Variants in GRIK3 observed in about 807,000 individuals in gnomAD.
GRIK3 encodes the protein glutamate ionotropic receptor kainate type subunit 3.
GRIK3 carries 29 observed loss-of-function variants against 102.5 expected under a neutral mutation model. The ratio of observed to expected loss-of-function variants is 0.28; its 90% confidence interval spans 0.21 to 0.39. The LOEUF (loss-of-function observed/expected upper bound fraction) is 0.39, where lower values mean the gene tolerates loss of function less well. Among genes scored for constraint, GRIK3 ranks in the 10% least tolerant of loss-of-function variants. The pLI is 1.00. For missense variants in GRIK3, 908 were observed against 1,252.4 expected (o/e 0.73, Z 4.15); for synonymous variants, 511 against 504.9 (o/e 1.01, Z -0.16).
At chr1:36,852,384 G>GTGGGC (rs1187271100) in intron 8 of GRIK3, among the ~76,000 whole-genome samples, 11 of 152,210 alleles carry the variant, frequency 7.2e-5, no homozygotes, top group Non-Finnish European at 1.5e-4. Flanking sequence ...GGGCAATTGT[G>GTGGGC]TGGGCAATGG....
In GRIK3 at chr1:36,797,663, G is replaced by C. The variant is rs1034170791; in HGVS notation, c.*4188C>G. The C allele has an allele frequency of 6.6e-6, 1 of 152,224 alleles. No individual in the cohort carries two copies. Among genetic ancestry groups the C allele is most frequent in the Non-Finnish European group, 1.5e-5 (1 of 68,064 alleles). 9.4% of individuals were successfully genotyped at this position (152,224 alleles called of 1,614,324 possible). A position where few individuals can be genotyped will look rare whatever the true frequency, so the allele number is the denominator to read the frequency against. ...CAAACCTCTAGCCCCTTTGCAGATG[G>C]GTATCCACACAGGACCACTCCAGAT... On this transcript the variant is annotated 3_prime_UTR_variant, in exon 16 of 16. Coordinates refer to ENST00000373091, the MANE Select transcript of GRIK3 (RefSeq NM_000831.4).
chr1:36,808,015 C>T (rs1023888422), intron 13 of GRIK3, among the ~76,000 whole-genome samples: 1 of 152,218 alleles, frequency 6.6e-6, no homozygotes, highest in Non-Finnish European at 1.5e-5. Context: ...CCTCTGCAAT[C>T]CCTGCCTCCA....
chr1:36,904,697 G>C (rs568671427), intron 1 of GRIK3, among the ~76,000 whole-genome samples: 1 of 152,276 alleles, frequency 6.6e-6, no homozygotes, highest in Non-Finnish European at 1.5e-5. Context: ...CAAAGCATAG[G>C]ATGATACGGT....
rs1008890433 is a variant in GRIK3 at position 36,801,725 on chromosome 1, C to T, written c.*126G>A. 10 of 767,894 alleles carry T rather than the reference C, an allele frequency of 1.3e-5. No individual in the cohort carries two copies. The East Asian group carries it at 2.9e-4, about 22-fold the overall frequency. 47.6% of individuals were successfully genotyped at this position (767,894 alleles called of 1,614,324 possible). ...CCTGGCAGGTAAGGGCAGGAGGCTC[C>T]TGGCCCAACAGGCAGGTGGCAGCTC... On this transcript the variant is annotated 3_prime_UTR_variant, in exon 16 of 16. Coordinates refer to ENST00000373091, the MANE Select transcript of GRIK3 (RefSeq NM_000831.4).
rs533379964 is a variant in GRIK3, at chr1:36,829,936, T to G, written c.1531-4110A>C. ...GGCCTCAGCTCTAACAACTTGTCACTGATCAGCCTTCTCTTAGGACAGGGG... is the reference window on the plus strand; with the variant it reads ...GGCCTCAGCTCTAACAACTTGTCACGGATCAGCCTTCTCTTAGGACAGGGG... On this transcript the variant is annotated intron_variant, in intron 10 of 15. Coordinates refer to ENST00000373091, the MANE Select transcript of GRIK3 (RefSeq NM_000831.4). Among the ~76,000 whole-genome samples the G allele has an allele frequency of 5.9e-5, 9 of 152,366 alleles. No individual in the cohort carries two copies. The East Asian group carries it at 1.7e-3, about 29-fold the overall frequency.
At chr1:36,924,330 C>A (rs1641504277) in intron 1 of GRIK3, among the ~76,000 whole-genome samples, 1 of 152,208 alleles carries the variant, frequency 6.6e-6, no homozygotes, top group Non-Finnish European at 1.5e-5. Context: ...TCGGGTGCAA[C>A]TGGACGAAAG....
At chr1:37,007,884 A>C (rs1318136849) in intron 1 of GRIK3, among the ~76,000 whole-genome samples, 2 of 152,188 alleles carry the variant, frequency 1.3e-5, no homozygotes, top group Admixed American at 1.3e-4. Context: ...TGGGAGGTGG[A>C]AGTGGGGGCC....
intron 2 of GRIK3, among the ~76,000 whole-genome samples, chr1:36,882,634 G>GAC (rs1006204662): frequency 2.0e-5 from 3 of 152,148 alleles, no homozygotes; most frequent in African/African-American, 7.2e-5. Context: ...GAGTTTAGAG[G>GAC]ACATTTGTGG....
intron 3 of GRIK3, among the ~76,000 whole-genome samples, chr1:36,874,585 C>G (rs1040757647): frequency 4.6e-5 from 7 of 152,178 alleles, no homozygotes; most frequent in African/African-American, 1.2e-4. Context: ...AGGCTATCCC[C>G]CTCCCAATGT....
At chr1:36,846,716 G>T (rs1479362712) in intron 9 of GRIK3, among the ~76,000 whole-genome samples, 1 of 152,206 alleles carries the variant, frequency 6.6e-6, no homozygotes, top group African/African-American at 2.4e-5. Context: ...GTCCCAAAGA[G>T]CCCAAGCCTG....
At chr1:37,025,329 G>A (rs1323254459) in intron 1 of GRIK3, among the ~76,000 whole-genome samples, 1 of 152,098 alleles carries the variant, frequency 6.6e-6, no homozygotes, top group Non-Finnish European at 1.5e-5. Context: ...CATGATCTGG[G>A]AAACTGTTAA....
At chr1:36,983,744 G>C (rs1642274647) in intron 1 of GRIK3, among the ~76,000 whole-genome samples, 2 of 152,108 alleles carry the variant, frequency 1.3e-5, no homozygotes. Flanking sequence ...AAGTTCCCCT[G>C]TTATACGGTC....
Position 36,903,057 on chromosome 1 carries a change from T to C in GRIK3, c.116-11961A>G, listed in dbSNP as rs550092382. Among the ~76,000 whole-genome samples the C allele has an allele frequency of 8.1e-4, 123 of 152,278 alleles. 1 individual carries two copies. The highest frequency in any genetic ancestry group is 2.8e-3 in the African/African-American group (115 of 41,540). On this transcript the variant is annotated intron_variant, in intron 1 of 15. Transcript: ENST00000373091. The stretch of plus-strand genomic sequence containing the variant: ...TGTCTGCCTCGGCCTCCCAAAGTGC[T>C]GGGATTACCGTGAGCCACCACGCCC...
chr1:36,908,642 C>T lies in GRIK3; in HGVS notation c.116-17546G>A, dbSNP rs146945900. 6.6e-3 allele frequency among the ~76,000 whole-genome samples: 1,011 copies of T among 152,306 alleles called. 10 individuals carry two copies. The highest frequency in any genetic ancestry group is 0.023 in the African/African-American group (972 of 41,548). ...TAAGTAGGTTGGCACCATTGATTAA[C>T]GCATAATCTTAATCATGATTGCATA... On this transcript the variant is annotated intron_variant, in intron 1 of 15. Coordinates refer to ENST00000373091, the MANE Select transcript of GRIK3 (RefSeq NM_000831.4).
intron 1 of GRIK3, among the ~76,000 whole-genome samples, chr1:36,962,761 A>C (rs1037793241): frequency 4.0e-5 from 6 of 151,808 alleles, no homozygotes; most frequent in Non-Finnish European, 7.4e-5. Context: ...CAAACGGATA[A>C]AAAATGAAGG....
chr1:36,797,061 A>C lies in GRIK3; in HGVS notation c.*4790T>G, dbSNP rs2124167532. 1 of 152,168 alleles carries C rather than the reference A, an allele frequency of 6.6e-6. No individual in the cohort carries two copies. The highest frequency in any genetic ancestry group is 1.9e-4 in the East Asian group (1 of 5,158). 9.4% of individuals were successfully genotyped at this position (152,168 alleles called of 1,614,324 possible). A position where few individuals can be genotyped will look rare whatever the true frequency, so the allele number is the denominator to read the frequency against. On this transcript the variant is annotated 3_prime_UTR_variant, in exon 16 of 16. Transcript: ENST00000373091. The stretch of plus-strand genomic sequence containing the variant: ...GGCGGTGCAGGACTCACCTGGCAGC[A>C]CCATGTAGCTCTGCCCTCTTCTTCA...
At chr1:36,817,920 A>G (rs1043026152) in intron 12 of GRIK3, among the ~76,000 whole-genome samples, 2 of 152,236 alleles carry the variant, frequency 1.3e-5, no homozygotes, top group Admixed American at 6.5e-5. Context: ...AGGGGAAAAA[A>G]AAATCAACAC....
chr1:36,882,656 C>T (rs1006358360), intron 2 of GRIK3, among the ~76,000 whole-genome samples: 5 of 152,166 alleles, frequency 3.3e-5, no homozygotes, highest in African/African-American at 1.2e-4. Flanking sequence ...CCAGTCAGAG[C>T]CAGTGGGATG....
At chr1:36,875,092 A>C (rs1640898775) in intron 3 of GRIK3, among the ~76,000 whole-genome samples, 1 of 152,252 alleles carries the variant, frequency 6.6e-6, no homozygotes, top group African/African-American at 2.4e-5. Context: ...CAATCCTAGA[A>C]GGCATATAGA....
Sources: gnomAD v4.1 joint callset for allele counts (sites outside exome capture counted in the v4.1 genomes callset) on GRCh38, gnomAD v4.1.1 for gene constraint, MANE v1.5 for transcripts, NCBI Gene and HGNC (gene_info 2026-07-23, HGNC 2026-07-21) for gene names.